Variants in ZFHX3 observed in about 807,000 individuals in gnomAD.
ZFHX3 encodes zinc finger homeobox 3, also known as zinc finger homeobox protein 3.
In ZFHX3, 42 loss-of-function variants were observed where a neutral mutation model predicts 279.1. The ratio of observed to expected loss-of-function variants is 0.15; its 90% confidence interval spans 0.12 to 0.19. The LOEUF (loss-of-function observed/expected upper bound fraction) is 0.19. ZFHX3 is among the 10% of genes least tolerant of loss of function. The pLI, the probability that ZFHX3 is intolerant of heterozygous loss-of-function variation, is 1.00. For synonymous variants in ZFHX3, 2,293 were observed against 1,957.8 expected, an observed-to-expected ratio of 1.17 and a Z score of -4.52; for missense variants, 4,981 against 4,754.0, an observed-to-expected ratio of 1.05 and a Z score of -1.40.
At chr16:73,356,579 G>T (rs536355352) in intron 3 of ZFHX3, among the ~76,000 whole-genome samples, 1 of 152,012 alleles carries the variant, frequency 6.6e-6, no homozygotes, top group East Asian at 1.9e-4. Flanking sequence ...GGGAGTCCCA[G>T]CTCCGACACT....
At chr16:73,093,604 AACAG>A in intron 7 of ZFHX3, 1 of 509,876 alleles carries the variant, frequency 2.0e-6, no homozygotes, top group Non-Finnish European at 3.9e-6. Context: ...GTCTCCTGCA[AACAG>A]ACAGCACGGA....
At chr16:73,378,749 C>T (rs190457896) in intron 3 of ZFHX3, among the ~76,000 whole-genome samples, 3 of 152,226 alleles carry the variant, frequency 2.0e-5, no homozygotes, top group African/African-American at 7.2e-5. Flanking sequence ...CATGCTTTGG[C>T]TCTCATTGCT....
intron 3 of ZFHX3, among the ~76,000 whole-genome samples, chr16:72,905,566 G>A (rs2039147798): frequency 6.6e-6 from 1 of 152,120 alleles, no homozygotes; most frequent in African/African-American, 2.4e-5. Flanking sequence ...AAAGGAAGAG[G>A]GAGTACACTC....
chr16:73,563,294 T>C (rs1182165498), intron 2 of ZFHX3, among the ~76,000 whole-genome samples: 2 of 150,120 alleles, frequency 1.3e-5, no homozygotes, highest in Non-Finnish European at 3.0e-5. Flanking sequence ...CTGGAGCGCA[T>C]TGGTGTGATC....
intron 3 of ZFHX3, among the ~76,000 whole-genome samples, chr16:73,387,668 C>CA (rs1288695970): frequency 6.6e-6 from 1 of 151,834 alleles, no homozygotes; most frequent in Non-Finnish European, 1.5e-5. Flanking sequence ...TCAATTAAAA[C>CA]AAAAAATTGA....
chr16:72,920,648 T>C (rs1025439159), intron 3 of ZFHX3, among the ~76,000 whole-genome samples: 1 of 151,026 alleles, frequency 6.6e-6, no homozygotes, highest in Non-Finnish European at 1.5e-5. Flanking sequence ...CCAGCCTGGG[T>C]GACAAAAGTG....
At chr16:73,507,087 C>G (rs540566014) in intron 2 of ZFHX3, among the ~76,000 whole-genome samples, 12 of 152,280 alleles carry the variant, frequency 7.9e-5, no homozygotes, top group African/African-American at 2.9e-4. Context: ...GGGACGTATT[C>G]AATACCCAGT....
At chr16:73,750,336 T>C (rs780754194) in intron 1 of ZFHX3, among the ~76,000 whole-genome samples, 2 of 152,180 alleles carry the variant, frequency 1.3e-5, no homozygotes, top group Non-Finnish European at 2.9e-5. Flanking sequence ...AAGACACTGC[T>C]TTACTCTACC....
At chr16:73,634,428 T>C (rs1429543216) in intron 2 of ZFHX3, among the ~76,000 whole-genome samples, 7 of 59,336 alleles carry the variant, frequency 1.2e-4, no homozygotes, top group Non-Finnish European at 1.7e-4. Flanking sequence ...CCAGTTATTA[T>C]GTATAATATA....
chr16:73,529,922 G>A (rs2019766418), intron 2 of ZFHX3, among the ~76,000 whole-genome samples: 1 of 111,232 alleles, frequency 9.0e-6, no homozygotes, highest in South Asian at 2.6e-4. Flanking sequence ...TCAGCTCTAT[G>A]AGGAAGTATT....
In ZFHX3 at chr16:73,703,286, G is replaced by C. The variant is rs547069456; in HGVS notation, c.-1607-23046C>G. Among the ~76,000 whole-genome samples, 439 of 152,018 alleles carry C rather than the reference G, an allele frequency of 2.9e-3. 1 individual carries two copies. The highest frequency in any genetic ancestry group is 5.3e-3 in the Non-Finnish European group (362 of 67,994). On this transcript the variant is annotated intron_variant, in intron 1 of 17. Transcript: ENST00000641206. ...ATAAATCTCAGGACAGTACAAATGAGGTATGTCTCATTATGGACAGAAAGA... is the reference window on the plus strand; with the variant it reads ...ATAAATCTCAGGACAGTACAAATGACGTATGTCTCATTATGGACAGAAAGA...
intron 3 of ZFHX3, among the ~76,000 whole-genome samples, chr16:72,890,886 G>C (rs190200497): frequency 1.3e-5 from 2 of 152,340 alleles, no homozygotes; most frequent in Non-Finnish European, 2.9e-5. Flanking sequence ...AGATGGTATA[G>C]TCCACAAAGT....
At chr16:73,745,302 G>A (rs1369909054) in intron 1 of ZFHX3, among the ~76,000 whole-genome samples, 1 of 152,142 alleles carries the variant, frequency 6.6e-6, no homozygotes, top group East Asian at 1.9e-4. Flanking sequence ...CCTGAACAAT[G>A]GTGACATTTA....
At chr16:72,941,608 C>T (rs878862574) in intron 3 of ZFHX3, among the ~76,000 whole-genome samples, 7 of 151,996 alleles carry the variant, frequency 4.6e-5, no homozygotes, top group Admixed American at 3.9e-4. Context: ...CACTTGAGCC[C>T]AGGAGTTTGA....
At chr16:73,324,837 G>A (rs1397076430) in intron 3 of ZFHX3, among the ~76,000 whole-genome samples, 1 of 152,194 alleles carries the variant, frequency 6.6e-6, no homozygotes, top group East Asian at 1.9e-4. Context: ...GTGGAGCACA[G>A]ACCTGAGAGA....
intron 2 of ZFHX3, among the ~76,000 whole-genome samples, chr16:73,594,706 A>C (rs2052030947): frequency 6.6e-6 from 1 of 152,202 alleles, no homozygotes; most frequent in Non-Finnish European, 1.5e-5. Context: ...TGATGCTGGA[A>C]CCACTGGCCG....
intron 3 of ZFHX3, among the ~76,000 whole-genome samples, chr16:73,443,110 C>T (rs370019984): frequency 7.9e-5 from 12 of 152,328 alleles, no homozygotes; most frequent in African/African-American, 2.6e-4. Context: ...AATTTCAACA[C>T]ATGACTTTTC....
intron 2 of ZFHX3, among the ~76,000 whole-genome samples, chr16:73,531,580 C>G (rs1369583473): frequency 1.3e-5 from 2 of 151,154 alleles, no homozygotes; most frequent in East Asian, 3.9e-4. Context: ...CTGGGTATGG[C>G]AGCACACGCC....
At chr16:73,468,193 C>T (rs1432743971) in intron 2 of ZFHX3, among the ~76,000 whole-genome samples, 6 of 152,196 alleles carry the variant, frequency 3.9e-5, no homozygotes, top group African/African-American at 1.2e-4. Context: ...ATCTCAAGAA[C>T]TCTGGTCCTT....
Sources: allele counts gnomAD v4.1 joint callset (sites outside exome capture counted in the v4.1 genomes callset), GRCh38; gene constraint gnomAD v4.1.1; transcripts MANE v1.5; gene names NCBI Gene and HGNC (gene_info 2026-07-23, HGNC 2026-07-21).